The following NSRP1 variants were observed in gnomAD, a reference collection of about 807,000 sequenced individuals.
NSRP1 encodes nuclear speckle splicing regulatory protein 1.
Under a neutral mutation model 54.7 loss-of-function variants are expected in NSRP1, and 24 were observed. The ratio of observed to expected loss-of-function variants is 0.44; its 90% CI spans 0.32 to 0.62. NSRP1 has a LOEUF of 0.62. NSRP1 is among the 20% of genes least tolerant of loss of function. The pLI is 0.06. For missense variants in NSRP1, 596 were observed against 651.2 expected, an observed-to-expected ratio of 0.92 and a Z score of 0.92; for synonymous variants, 210 against 213.8, an observed-to-expected ratio of 0.98 and a Z score of 0.15.
At chr17:30,120,359 G>A (rs993662967) in intron 2 of NSRP1, among the ~76,000 whole-genome samples, 1 of 152,140 alleles carries the variant, frequency 6.6e-6, no homozygotes, top group Non-Finnish European at 1.5e-5. Flanking sequence ...CTCCATTTCT[G>A]CGTAGCCAAC....
intron 2 of NSRP1, among the ~76,000 whole-genome samples, chr17:30,127,544 G>C (rs929352526): frequency 6.6e-6 from 1 of 152,052 alleles, no homozygotes; most frequent in Non-Finnish European, 1.5e-5. Context: ...CACTCCAGTA[G>C]CTGGCACCAC....
intron 6 of NSRP1, among the ~76,000 whole-genome samples, chr17:30,183,251 T>C (rs1905379084): frequency 6.6e-6 from 1 of 152,078 alleles, no homozygotes; most frequent in African/African-American, 2.4e-5. Flanking sequence ...ACAGGAATGT[T>C]CTGGGTAGAT....
chr17:30,147,847 T>C (rs913691193), intron 2 of NSRP1, among the ~76,000 whole-genome samples: 2 of 151,880 alleles, frequency 1.3e-5, no homozygotes, highest in Non-Finnish European at 2.9e-5. Flanking sequence ...GTTTCGCTCT[T>C]GTCCCCCTGG....
At chr17:30,162,314 G>A (rs1490687040) in intron 2 of NSRP1, among the ~76,000 whole-genome samples, 2 of 152,170 alleles carry the variant, frequency 1.3e-5, no homozygotes, top group Non-Finnish European at 2.9e-5. Context: ...ACAGGCGTGA[G>A]CCACTGCGCC....
At chr17:30,184,479 T>C (rs1272043075) in intron 6 of NSRP1, 136 bp from the exon 7 acceptor site, 1 of 1,110,164 alleles carries the variant, frequency 9.0e-7, no homozygotes, top group African/African-American at 1.6e-5. Flanking sequence ...TTTTTGCATT[T>C]GGATAATCAG....
At chr17:30,181,767 G>T (rs1375660921) in intron 6 of NSRP1, among the ~76,000 whole-genome samples, 1 of 151,778 alleles carries the variant, frequency 6.6e-6, no homozygotes, top group African/African-American at 2.4e-5. Flanking sequence ...CATGCACTAC[G>T]CCCGGCTAAT....
chr17:30,137,263 C>T (rs1344916853), intron 2 of NSRP1, among the ~76,000 whole-genome samples: 6 of 152,148 alleles, frequency 3.9e-5, no homozygotes, highest in African/African-American at 1.4e-4. Context: ...TACAACTATT[C>T]GGCAATCCTC....
At chr17:30,152,002 C>A (rs2071916171) in intron 2 of NSRP1, among the ~76,000 whole-genome samples, 1 of 151,950 alleles carries the variant, frequency 6.6e-6, no homozygotes, top group African/African-American at 2.4e-5. Context: ...CTCCTGACCT[C>A]AGGTGATCTA....
rs533471601 is a variant in NSRP1, at chr17:30,148,817, G to A, written c.115-23725G>A. 9.9e-4 allele frequency among the ~76,000 whole-genome samples: 151 copies of A among 152,290 alleles called. 1 individual carries two copies. The Middle Eastern group carries it at 0.02, about 21-fold the overall frequency. On this transcript the variant is annotated intron_variant, in intron 2 of 6. Transcript: ENST00000247026. ...TTTTCAGATTTAATTGTTCACGATA[G>A]TGTTTTTTAAATCTTTCATCTACTG...
At chr17:30,179,043 A>G (rs1460495327) in intron 4 of NSRP1, 47 bp from the exon 5 acceptor site, 3 of 1,142,850 alleles carry the variant, frequency 2.6e-6, no homozygotes, top group Non-Finnish European at 1.2e-6. Context: ...TAATATTAAC[A>G]ATTACTATTT....
At position 30,171,966 on chromosome 17, in the gene NSRP1, A is replaced by T. The variant is rs1457828183; in HGVS notation, c.115-576A>T. 1.9e-4 allele frequency among the ~76,000 whole-genome samples: 24 copies of T among 129,250 alleles called. No homozygotes were observed. In the East Asian group the frequency reaches 1.9e-3, roughly 10 times the overall value. The allele number at this position is 129,250 out of a possible 152,430, so 84.8% of individuals were successfully genotyped here. ...CACACACACACACACACACACACAC[A>T]CACACACTCCCTCTCTCTCTCTCTC... On this transcript the variant is annotated intron_variant, in intron 2 of 6. Coordinates refer to ENST00000247026, the MANE Select transcript of NSRP1 (RefSeq NM_032141.4).
intron 2 of NSRP1, among the ~76,000 whole-genome samples, chr17:30,151,215 A>G (rs2071906386): frequency 6.6e-6 from 1 of 151,960 alleles, no homozygotes; most frequent in South Asian, 2.1e-4. Flanking sequence ...TTGTCTTTTT[A>G]TTGTTGAATT....
chr17:30,146,828 C>T (rs2071860046), intron 2 of NSRP1, among the ~76,000 whole-genome samples: 1 of 151,984 alleles, frequency 6.6e-6, no homozygotes, highest in Non-Finnish European at 1.5e-5. Context: ...TGGCCTCAAG[C>T]AGTCTGCCCA....
At position 30,185,146 on chromosome 17, in the gene NSRP1, T is replaced by C. The variant is rs1905475588; in HGVS notation, c.1149T>C (p.Asp383=). 2 of 1,594,672 alleles carry C rather than the reference T, an allele frequency of 1.3e-6. No individual in the cohort carries two copies. The highest frequency in any genetic ancestry group is 1.3e-5 in the African/African-American group (1 of 74,088). Residue 383 remains aspartate (D), a synonymous_variant, in exon 7 of 7, where the codon GAT becomes GAC. Coordinates refer to ENST00000247026, the MANE Select transcript of NSRP1 (RefSeq NM_032141.4). ...ACAGAGTATGGAAAAGGGAGAAAGA[T>C]AGGGAGAAATATTCCCAAAGAGAAC... ...RSDRVWKREK[D]REKYSQREQE...
chr17:30,178,230 G>A, intron 4 of NSRP1, 31 bp downstream of exon 4: 1 of 1,579,886 alleles, frequency 6.3e-7, no homozygotes, highest in Non-Finnish European at 8.5e-7. Flanking sequence ...AACTTTCTTT[G>A]ACCTTGACCT....
intron 2 of NSRP1, among the ~76,000 whole-genome samples, chr17:30,157,213 T>C (rs1452749985): frequency 6.6e-6 from 1 of 152,176 alleles, no homozygotes; most frequent in Admixed American, 6.5e-5. Flanking sequence ...ATCATTGTGG[T>C]TTGGATTTGC....
chr17:30,122,187 T>C (rs1345054003), intron 2 of NSRP1, among the ~76,000 whole-genome samples: 1 of 151,274 alleles, frequency 6.6e-6, no homozygotes, highest in Non-Finnish European at 1.5e-5. Flanking sequence ...CCATATTTTA[T>C]CTATCAGTGG....
chr17:30,166,953 C>G (rs755673199), intron 2 of NSRP1, among the ~76,000 whole-genome samples: 14 of 151,956 alleles, frequency 9.2e-5, no homozygotes, highest in Admixed American at 2.0e-4. Context: ...AGTCACCTTA[C>G]TCTTCTGTCA....
intron 3 of NSRP1, among the ~76,000 whole-genome samples, chr17:30,175,040 T>TTTTG (rs1233283415): frequency 6.6e-6 from 1 of 152,202 alleles, no homozygotes; most frequent in African/African-American, 2.4e-5. Flanking sequence ...ACTATATACA[T>TTTTG]TTTGTTTGTT....
Sources: gnomAD v4.1 joint callset for allele counts (sites outside exome capture counted in the v4.1 genomes callset) on GRCh38, gnomAD v4.1.1 for gene constraint, MANE v1.5 for transcripts, NCBI Gene and HGNC (gene_info 2026-07-23, HGNC 2026-07-21) for gene names.